TSNAXIP1: variants seen among roughly 807,000 people sequenced by gnomAD.
TSNAXIP1 encodes the protein translin-associated factor X-interacting protein 1.
TSNAXIP1 carries 89 observed loss-of-function variants against 84.8 expected under a neutral mutation model. The observed-to-expected ratio is 1.05, with a 90% confidence interval of 0.88 to 1.25. TSNAXIP1 has a LOEUF of 1.25. TSNAXIP1 is among the 50% of genes most tolerant of loss of function. TSNAXIP1 has a pLI of 0.00. For synonymous variants in TSNAXIP1, 347 were observed against 335.2 expected (o/e 1.04, Z -0.39); for missense variants, 874 against 887.6 (o/e 0.98, Z 0.20).
Position 67,826,989 on chromosome 16 carries a change from G to C in TSNAXIP1, c.1581G>C (p.Gln527His). ...GKRSENVYVTQKETVAQLLKE... is the reference protein window; with the variant it reads ...GKRSENVYVTHKETVAQLLKE... ...GGAGTGAGAATGTGTATGTCACCCA[G>C]AAGGAGACAGTAGCCCAGCTGCTGA... Residue 527 changes from glutamine (Q) to histidine (H), a missense_variant, in exon 13 of 16, where the codon CAG becomes CAC. By Grantham distance (24) the Gln-to-His change is conservative. Coordinates refer to ENST00000561639, the MANE Select transcript of TSNAXIP1 (RefSeq NM_001288990.3). The C allele has an allele frequency of 6.2e-7, 1 of 1,614,146 alleles. No homozygotes were observed. Among genetic ancestry groups the C allele is most frequent in the Non-Finnish European group, 8.5e-7 (1 of 1,180,008 alleles).
At chr16:67,819,664 T>G (rs2151231165) in intron 2 of TSNAXIP1, among the ~76,000 whole-genome samples, 1 of 149,908 alleles carries the variant, frequency 6.7e-6, no homozygotes, top group South Asian at 2.1e-4. Context: ...TTTTTTTTTT[T>G]GAGACAGAGT....
chr16:67,820,952 G>T lies in TSNAXIP1; in HGVS notation c.260+1G>T. ...CAGATGACTACCGGAAGCGAGTAGG[G>T]TAAGCCAGGGTCAGTCCCATGGTGG... On this transcript the variant is annotated splice_donor_variant, in intron 3 of 15. Coordinates refer to ENST00000561639, the MANE Select transcript of TSNAXIP1 (RefSeq NM_001288990.3). LOFTEE classifies it high-confidence loss of function. 3 of 1,595,690 alleles carry T rather than the reference G, an allele frequency of 1.9e-6. No homozygotes were observed. The highest frequency in any genetic ancestry group is 2.6e-6 in the Non-Finnish European group (3 of 1,171,182).
At chr16:67,815,313 C>CAAAAA (rs561529036) in intron 2 of TSNAXIP1, among the ~76,000 whole-genome samples, 3 of 49,978 alleles carry the variant, frequency 6.0e-5, no homozygotes, top group African/African-American at 1.2e-4. Context: ...GACTACATCT[C>CAAAAA]AAAAAAAAAA....
At chr16:67,826,865 C>T (rs2151273606) in intron 12 of TSNAXIP1, 21 bp downstream of exon 12, 3 of 1,612,106 alleles carry the variant, frequency 1.9e-6, no homozygotes, top group South Asian at 2.2e-5. Flanking sequence ...GCCTATTCCC[C>T]TTGGGGAGAC....
At chr16:67,819,059 T>TTG (rs1212142327) in intron 2 of TSNAXIP1, among the ~76,000 whole-genome samples, 1 of 151,854 alleles carries the variant, frequency 6.6e-6, no homozygotes, top group African/African-American at 2.4e-5. Context: ...GCAGGCCAGC[T>TTG]ACTCGGGAGT....
At position 67,806,902 on chromosome 16, in the gene TSNAXIP1, A is replaced by T; in HGVS notation, c.-248A>T. ...TGGCCTCTGTTCATCCCCCTGCCTC[A>T]GTTCTGGTACCTGGGGTCAAATCGG... On this transcript the variant is annotated 5_prime_UTR_variant, in exon 1 of 16. Coordinates refer to ENST00000561639, the MANE Select transcript of TSNAXIP1 (RefSeq NM_001288990.3). 1 of 612,116 alleles carries T rather than the reference A, an allele frequency of 1.6e-6. No homozygotes were observed. The highest frequency in any genetic ancestry group is 2.9e-6 in the Non-Finnish European group (1 of 350,706). The allele number at this position is 612,116 out of a possible 1,614,324, so 37.9% of individuals were successfully genotyped here.
At chr16:67,812,178 G>T (rs2056145911) in intron 1 of TSNAXIP1, among the ~76,000 whole-genome samples, 1 of 149,100 alleles carries the variant, frequency 6.7e-6, no homozygotes, top group African/African-American at 2.6e-5. Context: ...CCCACCCCAT[G>T]GATTGTTGGA....
At chr16:67,811,037 G>A (rs1342741398) in intron 1 of TSNAXIP1, among the ~76,000 whole-genome samples, 1 of 151,684 alleles carries the variant, frequency 6.6e-6, no homozygotes. Context: ...GCCCAGGCAG[G>A]TCTCGAACTC....
intron 2 of TSNAXIP1, among the ~76,000 whole-genome samples, chr16:67,819,500 T>A (rs1228660374): frequency 6.6e-6 from 1 of 151,976 alleles, no homozygotes; most frequent in Non-Finnish European, 1.5e-5. Context: ...CACCTTGGCC[T>A]CAAAGTGCTA....
chr16:67,822,566 A>AAG (rs143349223), intron 4 of TSNAXIP1, among the ~76,000 whole-genome samples: 31,415 of 148,916 alleles, frequency 0.21, 4,154 homozygotes, highest in African/African-American at 0.39. Flanking sequence ...GGGAGGGAGG[A>AAG]AGAGAGAGAG....
At position 67,825,523 on chromosome 16, in the gene TSNAXIP1, G is replaced by T. The variant is rs2057368831; in HGVS notation, c.815-144G>T. On this transcript the variant is annotated intron_variant, in intron 7 of 15. Coordinates refer to ENST00000561639, the MANE Select transcript of TSNAXIP1 (RefSeq NM_001288990.3). Reference sequence around the variant, plus strand: ...GACAGGCCTGGTACTCAGTTTCCTGGGCTTCTAGACTTTAGCCTGAAACCC... The same window carrying T: ...GACAGGCCTGGTACTCAGTTTCCTGTGCTTCTAGACTTTAGCCTGAAACCC... 3 of 1,267,690 alleles carry T rather than the reference G, an allele frequency of 2.4e-6. No individual in the cohort carries two copies. In the East Asian group the frequency reaches 7.0e-5, roughly 30 times the overall value. 78.5% of individuals were successfully genotyped at this position (1,267,690 alleles called of 1,614,324 possible).
At chr16:67,823,743 C>T (rs761625118) in intron 5 of TSNAXIP1, 24 bp downstream of exon 5, 10 of 1,596,768 alleles carry the variant, frequency 6.3e-6, no homozygotes, top group East Asian at 2.2e-5. Flanking sequence ...TCCTGCCAGG[C>T]GTAGTGGCTC....
Position 67,807,063 on chromosome 16 carries a change from T to C in TSNAXIP1, c.-87T>C, listed in dbSNP as rs2055499937. 4 of 1,507,242 alleles carry C rather than the reference T, an allele frequency of 2.7e-6. No homozygotes were observed. Among genetic ancestry groups the C allele is most frequent in the Non-Finnish European group, 3.5e-6 (4 of 1,130,792 alleles). 93.4% of individuals were successfully genotyped at this position (1,507,242 alleles called of 1,614,324 possible). ...ACTCCGCCCCCGCCGCGGGGGGGCC[T>C]CTGGGGCCTGGTCGCCATGGCGACC... On this transcript the variant is annotated 5_prime_UTR_variant, in exon 1 of 16. Coordinates refer to ENST00000561639, the MANE Select transcript of TSNAXIP1 (RefSeq NM_001288990.3).
intron 1 of TSNAXIP1, among the ~76,000 whole-genome samples, chr16:67,808,390 C>T (rs888780839): frequency 6.6e-5 from 10 of 152,166 alleles, no homozygotes; most frequent in Non-Finnish European, 1.3e-4. Context: ...TCCTGGCTAA[C>T]GTGGTGAAAC....
intron 4 of TSNAXIP1, among the ~76,000 whole-genome samples, chr16:67,821,982 C>CAAAAAAAA: frequency 6.7e-6 from 1 of 149,770 alleles, no homozygotes; most frequent in Middle Eastern, 3.6e-3. Context: ...GAGACTCTGT[C>CAAAAAAAA]AACAGAAAAA....
intron 1 of TSNAXIP1, among the ~76,000 whole-genome samples, chr16:67,810,017 C>G (rs769615289): frequency 2.0e-5 from 3 of 152,090 alleles, no homozygotes; most frequent in Non-Finnish European, 4.4e-5. Context: ...TCCTTATTCA[C>G]CAGCATTTAG....
At chr16:67,809,363 G>A (rs1033828609) in intron 1 of TSNAXIP1, among the ~76,000 whole-genome samples, 18 of 150,140 alleles carry the variant, frequency 1.2e-4, no homozygotes. Context: ...AACTACTCGG[G>A]AGGCTGAGGC....
Position 67,826,145 on chromosome 16 carries a change from C to T in TSNAXIP1, c.1145-7C>T. 1 of 1,613,232 alleles carries T rather than the reference C, an allele frequency of 6.2e-7. No homozygotes were observed. The highest frequency in any genetic ancestry group is 8.5e-7 in the Non-Finnish European group (1 of 1,179,470). ...CCCAGACTCCAGCTCCCTCTCCCCA[C>T]ATGCAGATGTGGTGGCTGGGGGCCC... is the stretch of plus-strand genomic sequence containing the variant. On this transcript the variant is annotated splice_region_variant and splice_polypyrimidine_tract_variant and intron_variant, in intron 9 of 15. Coordinates refer to ENST00000561639, the MANE Select transcript of TSNAXIP1 (RefSeq NM_001288990.3).
rs752650594 is a variant in TSNAXIP1 at position 67,827,237 on chromosome 16, T to C, written c.1665-12T>C. 1 of 1,613,924 alleles carries C rather than the reference T, an allele frequency of 6.2e-7. No individual in the cohort carries two copies. Among genetic ancestry groups the C allele is most frequent in the African/African-American group, 1.3e-5 (1 of 75,010 alleles). On this transcript the variant is annotated splice_polypyrimidine_tract_variant and intron_variant, in intron 13 of 15. Coordinates refer to ENST00000561639, the MANE Select transcript of TSNAXIP1 (RefSeq NM_001288990.3). Reference sequence around the variant, plus strand: ...CAGCAGGTCCCTGTTGGCCCTCATGTCTCCCCTACAGCACTGTCCTCAAGA... The same window carrying C: ...CAGCAGGTCCCTGTTGGCCCTCATGCCTCCCCTACAGCACTGTCCTCAAGA...
Sources: gnomAD v4.1 joint callset for allele counts (sites outside exome capture counted in the v4.1 genomes callset) on GRCh38, gnomAD v4.1.1 for gene constraint, MANE v1.5 for transcripts, NCBI Gene and HGNC (gene_info 2026-07-23, HGNC 2026-07-21) for gene names.